ANGPT2: variants seen among roughly 807,000 people sequenced by gnomAD.
ANGPT2 encodes angiopoietin-2.
Under a neutral mutation model 62.9 loss-of-function variants are expected in ANGPT2, and 28 were observed. That is an observed-to-expected ratio of 0.44 (90% CI 0.33 to 0.61). ANGPT2 has a LOEUF of 0.61. Ranked by LOEUF, ANGPT2 falls within the 20% of genes least tolerant of loss-of-function variation. ANGPT2 has a pLI of 0.03. For synonymous variants in ANGPT2, 284 were observed against 207.8 expected (o/e 1.37, Z -3.15); for missense variants, 727 against 594.9 (o/e 1.22, Z -2.31).
At chr8:6,545,854 G>A (rs1171255693) in intron 1 of ANGPT2, among the ~76,000 whole-genome samples, 1 of 152,232 alleles carries the variant, frequency 6.6e-6, no homozygotes, top group South Asian at 2.1e-4. Flanking sequence ...GAAATCGATT[G>A]AATTTAGTTC....
chr8:6,499,966 T>C lies in ANGPT2; in HGVS notation c.*3135A>G. ...GTTGTTTTACGATGGTAAATGCAGT[T>C]TGCTGTTCTCAAGAAATTATTATAA... On this transcript the variant is annotated 3_prime_UTR_variant, in exon 9 of 9. Transcript: ENST00000629816. The C allele has an allele frequency of 6.4e-7, 1 of 1,559,476 alleles. No individual in the cohort carries two copies. The highest frequency in any genetic ancestry group is 8.8e-7 in the Non-Finnish European group (1 of 1,130,786).
chr8:6,514,438 C>T (rs1035004423), intron 6 of ANGPT2, among the ~76,000 whole-genome samples: 4 of 152,162 alleles, frequency 2.6e-5, no homozygotes. Context: ...ATCCATCTGC[C>T]TCGGCCTCCC....
chr8:6,512,794 T>C (rs1049031700), intron 7 of ANGPT2, among the ~76,000 whole-genome samples: 4 of 152,218 alleles, frequency 2.6e-5, no homozygotes, highest in Admixed American at 6.5e-5. Context: ...CTTATGATTA[T>C]TGCTACCAAA....
chr8:6,533,569 C>CTTTTTT (rs56882906), intron 1 of ANGPT2, among the ~76,000 whole-genome samples: 8 of 113,328 alleles, frequency 7.1e-5, no homozygotes, highest in Admixed American at 9.8e-5. Flanking sequence ...CGTTTAGTTT[C>CTTTTTT]TTTTTTTTTT....
intron 3 of ANGPT2, among the ~76,000 whole-genome samples, chr8:6,522,897 C>G (rs73522649): frequency 6.6e-6 from 1 of 152,188 alleles, no homozygotes; most frequent in East Asian, 1.9e-4. Context: ...CTGCTTCTCT[C>G]CTTTTAATGT....
At chr8:6,530,508 CAAAAAAAAA>C (rs55729820) in intron 2 of ANGPT2, among the ~76,000 whole-genome samples, 1 of 98,046 alleles carries the variant, frequency 1.0e-5, no homozygotes, top group South Asian at 3.6e-4. Context: ...GACTCTGTCT[CAAAAAAAAA>C]AAAAAAAAAA....
chr8:6,526,836 C>T (rs1378923948), intron 3 of ANGPT2, among the ~76,000 whole-genome samples: 1 of 152,156 alleles, frequency 6.6e-6, no homozygotes, highest in African/African-American at 2.4e-5. Context: ...TCTTTTGTCC[C>T]AAGTGGAACA....
rs565223646 is a variant in ANGPT2, at chr8:6,530,138, T to G, written c.444+2194A>C. ...GATGAGCTATTCAATTACCCATCAG[T>G]GTTAGTATCAAAAGGTGGGGCATGT... is the stretch of plus-strand genomic sequence containing the variant. On this transcript the variant is annotated intron_variant, in intron 2 of 8. Coordinates refer to ENST00000629816, the MANE Select transcript of ANGPT2 (RefSeq NM_001118887.2). Among the ~76,000 whole-genome samples the G allele has an allele frequency of 1.7e-3, 256 of 152,258 alleles. 1 individual carries two copies. Among genetic ancestry groups the G allele is most frequent in the African/African-American group, 6.0e-3 (251 of 41,558 alleles).
At chr8:6,540,158 G>T (rs1290291583) in intron 1 of ANGPT2, among the ~76,000 whole-genome samples, 1 of 152,160 alleles carries the variant, frequency 6.6e-6, no homozygotes, top group Non-Finnish European at 1.5e-5. Flanking sequence ...TTCTTTGAGT[G>T]CAGCTGCATA....
At chr8:6,509,170 T>G in intron 7 of ANGPT2, 108 bp from the exon 8 acceptor site, 1 of 1,387,962 alleles carries the variant, frequency 7.2e-7, no homozygotes, top group East Asian at 2.3e-5. Context: ...TGTTCTGTAC[T>G]CGTTAATGGA....
chr8:6,519,346 C>T (rs1816871396), intron 5 of ANGPT2, among the ~76,000 whole-genome samples: 2 of 152,178 alleles, frequency 1.3e-5, no homozygotes, highest in Admixed American at 1.3e-4. Flanking sequence ...GTAAAACTGC[C>T]ACCATCCCCG....
chr8:6,542,617 G>T (rs1271476758), intron 1 of ANGPT2, among the ~76,000 whole-genome samples: 2 of 151,142 alleles, frequency 1.3e-5, no homozygotes, highest in African/African-American at 2.4e-5. Flanking sequence ...AAAAAGTGCT[G>T]TCTGAGGAGC....
chr8:6,500,737 A>G lies in ANGPT2; in HGVS notation c.*2364T>C, dbSNP rs1812005259. 6.6e-6 allele frequency: 1 copy of G among 152,250 alleles called. No homozygotes were observed. The highest frequency in any genetic ancestry group is 1.5e-5 in the Non-Finnish European group (1 of 68,052). 9.4% of individuals were successfully genotyped at this position (152,250 alleles called of 1,614,324 possible). A position where few individuals can be genotyped will look rare whatever the true frequency, so the allele number is the denominator to read the frequency against. On this transcript the variant is annotated 3_prime_UTR_variant, in exon 9 of 9. Transcript: ENST00000629816. ...TTAAGGAGAGACAAAAGCTCCTCTC[A>G]GCAAAACTGTTTGTTTGAAATACCG...
Position 6,502,995 on chromosome 8 carries a change from G to T in ANGPT2, c.*106C>A. The T allele has an allele frequency of 7.4e-7, 1 of 1,354,566 alleles. No individual in the cohort carries two copies. Among genetic ancestry groups the T allele is most frequent in the Non-Finnish European group, 1.0e-6 (1 of 973,880 alleles). The allele number at this position is 1,354,566 out of a possible 1,614,324, so 83.9% of individuals were successfully genotyped here. On this transcript the variant is annotated 3_prime_UTR_variant, in exon 9 of 9. Coordinates refer to ENST00000629816, the MANE Select transcript of ANGPT2 (RefSeq NM_001118887.2). Reference sequence around the variant, plus strand: ...TGGGTCCCGTCAGCACCGAGCACACGCCCTCTGTGGTGGAAGAGGACACAG... The same window carrying T: ...TGGGTCCCGTCAGCACCGAGCACACTCCCTCTGTGGTGGAAGAGGACACAG...
Position 6,499,648 on chromosome 8 carries a change from G to C in ANGPT2, c.*3453C>G, listed in dbSNP as rs1005659878. Reference sequence around the variant, plus strand: ...TGACTCAGATTTCTTGTTATCGTGAGACTTTTTCTCAATCAACTTTTTATT... The same window carrying C: ...TGACTCAGATTTCTTGTTATCGTGACACTTTTTCTCAATCAACTTTTTATT... On this transcript the variant is annotated 3_prime_UTR_variant, in exon 9 of 9. Transcript: ENST00000629816. 1 of 534,576 alleles carries C rather than the reference G, an allele frequency of 1.9e-6. No individual in the cohort carries two copies. The highest frequency in any genetic ancestry group is 3.3e-6 in the Non-Finnish European group (1 of 298,912). 33.1% of individuals were successfully genotyped at this position (534,576 alleles called of 1,614,324 possible).
At chr8:6,522,965 A>G (rs937839042) in intron 3 of ANGPT2, among the ~76,000 whole-genome samples, 2 of 151,996 alleles carry the variant, frequency 1.3e-5, no homozygotes, top group Non-Finnish European at 2.9e-5. Flanking sequence ...TTAATACATA[A>G]CAGTTAATAT....
chr8:6,512,473 C>G (rs1264987413), intron 7 of ANGPT2, among the ~76,000 whole-genome samples: 1 of 152,180 alleles, frequency 6.6e-6, no homozygotes, highest in East Asian at 1.9e-4. Context: ...TTGCTAATTT[C>G]TGACCTCAAA....
In ANGPT2 at chr8:6,562,577, T is replaced by G. The variant is rs4841276; in HGVS notation, c.288+70A>C. 12 of 843,206 alleles carry G rather than the reference T, an allele frequency of 1.4e-5. No homozygotes were observed. In the South Asian group the frequency reaches 2.2e-4, roughly 15 times the overall value. The allele number at this position is 843,206 out of a possible 1,614,324, so 52.2% of individuals were successfully genotyped here. ...CTTTTTTTTTTTTTTTTTTTGGTTG[T>G]TAAAACCTGAGCTGCTGCCAAGCTG... On this transcript the variant is annotated intron_variant, in intron 1 of 8. Transcript: ENST00000629816.
At chr8:6,528,211 C>G (rs962817293) in intron 2 of ANGPT2, among the ~76,000 whole-genome samples, 5 of 152,124 alleles carry the variant, frequency 3.3e-5, no homozygotes, top group African/African-American at 1.2e-4. Context: ...ATGTCTCTAT[C>G]TTGGAAAGTG....
Sources: gnomAD v4.1 joint callset for allele counts (sites outside exome capture counted in the v4.1 genomes callset) on GRCh38, gnomAD v4.1.1 for gene constraint, MANE v1.5 for transcripts, NCBI Gene and HGNC (gene_info 2026-07-23, HGNC 2026-07-21) for gene names.